Variants in SPAG17 observed in about 807,000 individuals in gnomAD.
SPAG17 encodes the protein sperm associated antigen 17.
SPAG17 carries 169 observed loss-of-function variants against 273.6 expected under a neutral mutation model. That is an observed-to-expected ratio of 0.62 (90% CI 0.55 to 0.70). The LOEUF is 0.70. Ranked by LOEUF, SPAG17 falls within the 30% of genes least tolerant of loss-of-function variation. SPAG17 has a pLI of 0.00. For missense variants in SPAG17, 2,557 were observed against 2,627.8 expected (o/e 0.97, Z 0.59); for synonymous variants, 825 against 873.2 (o/e 0.94, Z 0.97).
chr1:118,106,587 G>A (rs999899837), intron 4 of SPAG17, among the ~76,000 whole-genome samples: 1 of 152,120 alleles, frequency 6.6e-6, no homozygotes, highest in Non-Finnish European at 1.5e-5. Context: ...TAGACAGCTG[G>A]CCTTGCTACA....
chr1:118,033,509 T>G (rs1172137521), intron 24 of SPAG17, among the ~76,000 whole-genome samples: 14 of 152,226 alleles, frequency 9.2e-5, no homozygotes, highest in Admixed American at 9.2e-4. Flanking sequence ...AATTGCTTGC[T>G]GGGTCTTCTG....
intron 1 of SPAG17, among the ~76,000 whole-genome samples, chr1:118,167,219 A>T (rs1198088619): frequency 1.3e-5 from 2 of 152,292 alleles, no homozygotes; most frequent in Middle Eastern, 3.4e-3. Context: ...TGATTTTTTT[A>T]AAAGTGTTTT....
At chr1:118,148,769 TC>T (rs1659209626) in intron 3 of SPAG17, among the ~76,000 whole-genome samples, 1 of 152,092 alleles carries the variant, frequency 6.6e-6, no homozygotes, top group South Asian at 2.1e-4. Context: ...GGTCCAGAAG[TC>T]CCAAGAGACT....
In SPAG17 at chr1:118,055,723, G is replaced by T. The variant is rs766061303; in HGVS notation, c.2722+10C>A. The T allele has an allele frequency of 8.8e-6, 14 of 1,592,018 alleles. No homozygotes were observed. The highest frequency in any genetic ancestry group is 1.7e-5 in the Admixed American group (1 of 59,342). On this transcript the variant is annotated intron_variant, in intron 19 of 48. Coordinates refer to ENST00000336338, the MANE Select transcript of SPAG17 (RefSeq NM_206996.4). ...TTTTATTCTACGTATAAGTTGAACT[G>T]GTTACTTACTTTTAGATTCTTTAAT...
intron 28 of SPAG17, among the ~76,000 whole-genome samples, chr1:118,018,706 T>C (rs2101816404): frequency 6.7e-6 from 1 of 150,310 alleles, no homozygotes; most frequent in African/African-American, 2.4e-5. Flanking sequence ...TGGTGGTGCA[T>C]GCCTGTTGCA....
At chr1:118,076,576 C>T (rs974977441) in intron 15 of SPAG17, 4 of 151,962 alleles carry the variant, frequency 2.6e-5, no homozygotes, top group South Asian at 2.1e-4. Flanking sequence ...GCCAGATTTC[C>T]GGGAGATTTG....
intron 3 of SPAG17, among the ~76,000 whole-genome samples, chr1:118,133,986 C>T (rs1658201371): frequency 1.3e-5 from 2 of 152,138 alleles, no homozygotes; most frequent in South Asian, 4.1e-4. Context: ...ATAATTTTTG[C>T]TTGTCAAATT....
At chr1:117,985,715 T>C (rs1486308929) in intron 40 of SPAG17, among the ~76,000 whole-genome samples, 1 of 152,192 alleles carries the variant, frequency 6.6e-6, no homozygotes, top group African/African-American at 2.4e-5. Context: ...TAAGTGCTTA[T>C]TGCACTAAAA....
In SPAG17 at chr1:117,953,769, T is replaced by A; in HGVS notation, c.*281A>T. The A allele has an allele frequency of 1.6e-6, 1 of 610,264 alleles. No homozygotes were observed. Among genetic ancestry groups the A allele is most frequent in the Non-Finnish European group, 2.9e-6 (1 of 349,558 alleles). 37.8% of individuals were successfully genotyped at this position (610,264 alleles called of 1,614,324 possible). A position where few individuals can be genotyped will look rare whatever the true frequency, so the allele number is the denominator to read the frequency against. The stretch of plus-strand genomic sequence containing the variant: ...CAGGTGTTCCTGGGACCTGCCCTAT[T>A]CAGAGTGTCTAGATATCATCCCACC... On this transcript the variant is annotated 3_prime_UTR_variant, in exon 49 of 49. Coordinates refer to ENST00000336338, the MANE Select transcript of SPAG17 (RefSeq NM_206996.4).
At chr1:117,987,701 C>T (rs1656578605) in intron 40 of SPAG17, 133 bp downstream of exon 40, 2 of 846,956 alleles carry the variant, frequency 2.4e-6, no homozygotes, top group South Asian at 1.7e-5. Flanking sequence ...GCTGAATGAC[C>T]ACTTGGTAGA....
intron 25 of SPAG17, among the ~76,000 whole-genome samples, 169 bp from the exon 26 acceptor site, chr1:118,028,563 T>C (rs1181108475): frequency 6.6e-6 from 1 of 152,196 alleles, no homozygotes; most frequent in Non-Finnish European, 1.5e-5. Context: ...ATATTCTACT[T>C]GCAGACTGGC....
chr1:118,167,818 G>A (rs929507919), intron 1 of SPAG17, among the ~76,000 whole-genome samples: 3 of 152,112 alleles, frequency 2.0e-5, no homozygotes, highest in African/African-American at 7.2e-5. Context: ...GGAGGTGACT[G>A]GGTCATGGGG....
At chr1:118,122,496 C>T (rs1657480679) in intron 3 of SPAG17, among the ~76,000 whole-genome samples, 1 of 152,200 alleles carries the variant, frequency 6.6e-6, no homozygotes, top group South Asian at 2.1e-4. Flanking sequence ...ATCCTTTTAA[C>T]ATCTACAATG....
chr1:118,101,625 G>T (rs956125123), intron 5 of SPAG17, 115 bp downstream of exon 5: 118 of 974,898 alleles, frequency 1.2e-4, no homozygotes, highest in Non-Finnish European at 1.6e-4. Context: ...GATTGTGGGG[G>T]AATTGGCGTC....
chr1:118,135,425 G>A (rs1411494607), intron 3 of SPAG17, among the ~76,000 whole-genome samples: 1 of 150,488 alleles, frequency 6.6e-6, no homozygotes, highest in Non-Finnish European at 1.5e-5. Flanking sequence ...GTGTGTGTGT[G>A]TGTGTGGGGT....
At chr1:118,079,869 A>C (rs1654396195) in intron 15 of SPAG17, among the ~76,000 whole-genome samples, 1 of 151,918 alleles carries the variant, frequency 6.6e-6, no homozygotes, top group African/African-American at 2.4e-5. Flanking sequence ...CCTAGGTGTT[A>C]AATTTGGTGT....
intron 20 of SPAG17, among the ~76,000 whole-genome samples, chr1:118,049,286 C>T (rs1018431837): frequency 1.3e-5 from 2 of 152,152 alleles, no homozygotes; most frequent in Non-Finnish European, 2.9e-5. Context: ...AAATGACAGG[C>T]CGTTGTCCCT....
At chr1:117,958,799 A>C in intron 48 of SPAG17, 1 of 571,048 alleles carries the variant, frequency 1.8e-6, no homozygotes, top group Admixed American at 3.8e-5. Flanking sequence ...AAACATTTCT[A>C]TAATGTATAT....
chr1:118,112,102 A>G (rs1656797363), intron 4 of SPAG17, among the ~76,000 whole-genome samples: 1 of 152,094 alleles, frequency 6.6e-6, no homozygotes, highest in Admixed American at 6.6e-5. Flanking sequence ...GACTTTTTGT[A>G]TCGAAGCTTT....
Sources: allele counts gnomAD v4.1 joint callset (sites outside exome capture counted in the v4.1 genomes callset), GRCh38; gene constraint gnomAD v4.1.1; transcripts MANE v1.5; gene names NCBI Gene and HGNC (gene_info 2026-07-23, HGNC 2026-07-21).